OR51I2: variants seen among roughly 807,000 people sequenced by gnomAD.
OR51I2 encodes the protein olfactory receptor 51I2.
OR51I2 carries 6 observed loss-of-function variants against 9.3 expected under a neutral mutation model. The ratio of observed to expected loss-of-function variants is 0.64; its 90% CI spans 0.35 to 1.27. OR51I2 has a LOEUF of 1.27. Ranked by LOEUF, OR51I2 falls within the 50% of genes most tolerant of loss-of-function variation. The probability of loss-of-function intolerance (pLI) is 0.03; values close to 1 mark genes in which losing one functional copy is unlikely to be tolerated. For synonymous variants in OR51I2, 179 were observed against 143.1 expected, an observed-to-expected ratio of 1.25 and a Z score of -1.79; for missense variants, 489 against 396.4, an observed-to-expected ratio of 1.23 and a Z score of -1.98.
At position 5,455,437 on chromosome 11, in the gene OR51I2, G is replaced by A. The variant is rs186051433; in HGVS notation, c.*1010G>A. On this transcript the variant is annotated 3_prime_UTR_variant, in exon 2 of 2. Coordinates refer to ENST00000641930, the MANE Select transcript of OR51I2 (RefSeq NM_001004754.3). The stretch of plus-strand genomic sequence containing the variant: ...ATAATTCTTTCAGACCTTCTCATAC[G>A]CTTCCCTTGATACCAGAGGTAGGAT... 2.0e-5 allele frequency: 3 copies of A among 151,086 alleles called. No individual in the cohort carries two copies. Among genetic ancestry groups the A allele is most frequent in the East Asian group, 2.0e-4 (1 of 5,128 alleles). 9.4% of individuals were successfully genotyped at this position (151,086 alleles called of 1,614,324 possible).
Position 5,454,061 on chromosome 11 carries a change from T to C in OR51I2, c.573T>C (p.Asp191=). The C allele has an allele frequency of 6.2e-7, 1 of 1,614,188 alleles. No homozygotes were observed. Among genetic ancestry groups the C allele is most frequent in the Non-Finnish European group, 8.5e-7 (1 of 1,180,040 alleles). The change falls in exon 2 of 2, where the codon GAT becomes GAC. Residue 191 remains aspartate, a synonymous_variant. Coordinates refer to ENST00000641930, the MANE Select transcript of OR51I2 (RefSeq NM_001004754.3). ...ACATGATGAGGCTTGCCTGTGCTGA[T>C]ATCAGTATCAACAGCATCTATGGAC... is the stretch of plus-strand genomic sequence containing the variant. ...HPDMMRLACA[D]ISINSIYGLF... is the part of the protein sequence containing the mutation.
chr11:5,452,059 A>G (rs568768822), intron 1 of OR51I2, among the ~76,000 whole-genome samples: 4 of 152,354 alleles, frequency 2.6e-5, no homozygotes, highest in Admixed American at 6.5e-5. Context: ...TAGTAGATTA[A>G]TATCAGTGGG....
intron 1 of OR51I2, among the ~76,000 whole-genome samples, chr11:5,451,504 C>T (rs1369908798): frequency 6.6e-6 from 1 of 152,274 alleles, no homozygotes; most frequent in African/African-American, 2.4e-5. Flanking sequence ...CATATGCAGA[C>T]TGAGCTCTAA....
In OR51I2 at chr11:5,454,405, T is replaced by A. The variant is rs748066175; in HGVS notation, c.917T>A (p.Met306Lys). 3.7e-6 allele frequency: 6 copies of A among 1,606,188 alleles called. No individual in the cohort carries two copies. In the East Asian group the frequency reaches 1.1e-4, roughly 30 times the overall value. ...GAAATCCGCCGAGCCATTTTCCGCA[T>A]GTTTCACCACATCAAAATATGACTT... ...TKEIRRAIFR[M>K]FHHIKI The change falls in exon 2 of 2, where the codon ATG becomes AAG. Residue 306 changes from methionine (M) to lysine (K), a missense_variant. Physicochemically the swap from Met to Lys is moderately conservative, Grantham distance 95. Coordinates refer to ENST00000641930, the MANE Select transcript of OR51I2 (RefSeq NM_001004754.3).
In OR51I2 at chr11:5,455,030, T is replaced by A. The variant is rs1441305623; in HGVS notation, c.*603T>A. The A allele has an allele frequency of 6.6e-6, 1 of 152,264 alleles. No individual in the cohort carries two copies. The highest frequency in any genetic ancestry group is 1.5e-5 in the Non-Finnish European group (1 of 68,106). 9.4% of individuals were successfully genotyped at this position (152,264 alleles called of 1,614,324 possible). A position where few individuals can be genotyped will look rare whatever the true frequency, so the allele number is the denominator to read the frequency against. ...CAAACACTCATACATTGCTTTAACT[T>A]CACAAAGTGAAATCAGCTTAACTAT... On this transcript the variant is annotated 3_prime_UTR_variant, in exon 2 of 2. Coordinates refer to ENST00000641930, the MANE Select transcript of OR51I2 (RefSeq NM_001004754.3).
Position 5,455,561 on chromosome 11 carries a change from G to T in OR51I2, c.*1134G>T, listed in dbSNP as rs1196307741. On this transcript the variant is annotated 3_prime_UTR_variant, in exon 2 of 2. Transcript: ENST00000641930. ...AGCGAGGGATTGGGGGAGAAAGAAG[G>T]GGGGAGAGAGAGAGAGAAAGAGAAA... 3 of 33,724 alleles carry T rather than the reference G, an allele frequency of 8.9e-5. No individual in the cohort carries two copies. Among genetic ancestry groups the T allele is most frequent in the African/African-American group, 1.7e-4 (2 of 11,656 alleles). The allele number at this position is 33,724 out of a possible 1,614,324, so 2.1% of individuals were successfully genotyped here. A position where few individuals can be genotyped will look rare whatever the true frequency, so the allele number is the denominator to read the frequency against.
rs374169531 is a variant in OR51I2 at position 5,453,562 on chromosome 11, C to T, written c.74C>T (p.Ser25Phe). 1.2e-6 allele frequency: 2 copies of T among 1,610,786 alleles called. No individual in the cohort carries two copies. Among genetic ancestry groups the T allele is most frequent in the East Asian group, 4.5e-5 (2 of 44,876 alleles). ...TGIPGLESSH[S>F]WLSGPLCVMY... is the part of the protein sequence containing the mutation. ...ATCCCTGGTCTGGAGAGCTCTCACT[C>T]CTGGCTGTCAGGGCCCCTCTGCGTG... Residue 25 changes from serine (S) to phenylalanine (F), a missense_variant, in exon 2 of 2, where the codon TCC becomes TTC. Ser to Phe is a radical substitution (Grantham distance 155). Transcript: ENST00000641930.
intron 1 of OR51I2, among the ~76,000 whole-genome samples, chr11:5,452,648 A>G (rs1205949272): frequency 2.7e-5 from 4 of 150,594 alleles, no homozygotes; most frequent in Non-Finnish European, 4.4e-5. Context: ...ACTATGAATG[A>G]GCTTTCTTAC....
At position 5,455,366 on chromosome 11, in the gene OR51I2, G is replaced by A. The variant is rs1169861413; in HGVS notation, c.*939G>A. The A allele has an allele frequency of 8.9e-6, 1 of 111,732 alleles. No homozygotes were observed. Among genetic ancestry groups the A allele is most frequent in the Non-Finnish European group, 2.0e-5 (1 of 49,310 alleles). 6.9% of individuals were successfully genotyped at this position (111,732 alleles called of 1,614,324 possible). A position where few individuals can be genotyped will look rare whatever the true frequency, so the allele number is the denominator to read the frequency against. On this transcript the variant is annotated 3_prime_UTR_variant, in exon 2 of 2. Transcript: ENST00000641930. ...GGATTTCCAGTTGCAAAAAAAAAAA[G>A]CCTAGGATAGACAGACTAGAGCACT...
chr11:5,454,610 C>T lies in OR51I2; in HGVS notation c.*183C>T. On this transcript the variant is annotated 3_prime_UTR_variant, in exon 2 of 2. Coordinates refer to ENST00000641930, the MANE Select transcript of OR51I2 (RefSeq NM_001004754.3). Reference sequence around the variant, plus strand: ...AAATGAATAGTACATTCACTAAATACCAACAGTATTCTTAGAAAGATAAAT... The same window carrying T: ...AAATGAATAGTACATTCACTAAATATCAACAGTATTCTTAGAAAGATAAAT... The T allele has an allele frequency of 2.0e-6, 1 of 496,682 alleles. No homozygotes were observed. The highest frequency in any genetic ancestry group is 3.5e-6 in the Non-Finnish European group (1 of 283,192). 30.8% of individuals were successfully genotyped at this position (496,682 alleles called of 1,614,324 possible).
In OR51I2 at chr11:5,453,915, G is replaced by C; in HGVS notation, c.427G>C (p.Ala143Pro). 2 of 1,614,214 alleles carry C rather than the reference G, an allele frequency of 1.2e-6. No homozygotes were observed. Among genetic ancestry groups the C allele is most frequent in the African/African-American group, 1.3e-5 (1 of 75,060 alleles). ...ATVLTTEVIA[A>P]MGLGAAARSF... ...TGTGCTCACCACTGAAGTCATTGCT[G>C]CAATGGGTTTAGGTGCAGCTGCTCG... The change falls in exon 2 of 2, where the codon GCA (alanine) becomes CCA (proline). Residue 143 changes from alanine to proline, a missense_variant. Ala to Pro is a conservative substitution (Grantham distance 27). Transcript: ENST00000641930.
Position 5,452,342 on chromosome 11 carries a change from A to T in OR51I2, c.-230-917A>T, listed in dbSNP as rs894514573. On this transcript the variant is annotated intron_variant, in intron 1 of 1. Transcript: ENST00000641930. ...ACACGGTGAAACCCCGTCTCTACTA[A>T]AACTACAAAAAAAATTAGCCGGGCA... is the stretch of plus-strand genomic sequence containing the variant. Among the ~76,000 whole-genome samples, 14 of 151,908 alleles carry T rather than the reference A, an allele frequency of 9.2e-5. 1 individual carries two copies. Among genetic ancestry groups the T allele is most frequent in the Middle Eastern group, 3.4e-3 (1 of 294 alleles).
chr11:5,451,325 T>A (rs750124694), intron 1 of OR51I2, among the ~76,000 whole-genome samples: 6 of 152,234 alleles, frequency 3.9e-5, no homozygotes, highest in Non-Finnish European at 5.9e-5. Flanking sequence ...CCTGTTTTCT[T>A]CTCCCTTCTC....
rs1590005407 is a variant in OR51I2 at position 5,455,208 on chromosome 11, C to A, written c.*781C>A. On this transcript the variant is annotated 3_prime_UTR_variant, in exon 2 of 2. Transcript: ENST00000641930. ...AAACAATGTTCAATATCTGAAATAT[C>A]TGACTCATAGAATTTTGGGGGAAAG... 6.6e-6 allele frequency: 1 copy of A among 152,144 alleles called. No homozygotes were observed. The highest frequency in any genetic ancestry group is 2.1e-4 in the South Asian group (1 of 4,826). The allele number at this position is 152,144 out of a possible 1,614,324, so 9.4% of individuals were successfully genotyped here. A position where few individuals can be genotyped will look rare whatever the true frequency, so the allele number is the denominator to read the frequency against.
At position 5,455,931 on chromosome 11, in the gene OR51I2, A is replaced by G. The variant is rs892216775; in HGVS notation, c.*1504A>G. ...ATAGCATAACTTAGTATGATTTCCA[A>G]TGGAAAATTATTAGAATATTTAGTG... On this transcript the variant is annotated 3_prime_UTR_variant, in exon 2 of 2. Transcript: ENST00000641930. 4.6e-5 allele frequency: 7 copies of G among 152,340 alleles called. No homozygotes were observed. The highest frequency in any genetic ancestry group is 7.2e-5 in the African/African-American group (3 of 41,578). 9.4% of individuals were successfully genotyped at this position (152,340 alleles called of 1,614,324 possible). A position where few individuals can be genotyped will look rare whatever the true frequency, so the allele number is the denominator to read the frequency against.
chr11:5,453,697 A>G lies in OR51I2; in HGVS notation c.209A>G (p.Asp70Gly). ...YYFLSMLSFS[D>G]VAISMATLPT... ...TTCCTGTCCATGTTGTCCTTCAGTG[A>G]TGTGGCCATATCCATGGCCACACTG... Residue 70 changes from aspartate (D) to glycine (G), a missense_variant, in exon 2 of 2, where the codon GAT becomes GGT. Coordinates refer to ENST00000641930, the MANE Select transcript of OR51I2 (RefSeq NM_001004754.3). 2 of 1,613,750 alleles carry G rather than the reference A, an allele frequency of 1.2e-6. No individual in the cohort carries two copies. Among genetic ancestry groups the G allele is most frequent in the Non-Finnish European group, 1.7e-6 (2 of 1,179,808 alleles).
At chr11:5,450,344 G>A (rs1175130454) in intron 1 of OR51I2, among the ~76,000 whole-genome samples, 1 of 152,094 alleles carries the variant, frequency 6.6e-6, no homozygotes, top group Non-Finnish European at 1.5e-5. Context: ...AGCCAAGATT[G>A]CACCACTGCA....
At position 5,454,122 on chromosome 11, in the gene OR51I2, T is replaced by G; in HGVS notation, c.634T>G (p.Phe212Val). 1.2e-6 allele frequency: 2 copies of G among 1,614,138 alleles called. No individual in the cohort carries two copies. Among genetic ancestry groups the G allele is most frequent in the Non-Finnish European group, 8.5e-7 (1 of 1,180,028 alleles). Reference protein sequence around the residue: ...VLVSTFGMDLFFIFLSYVLIL... With the variant: ...VLVSTFGMDLVFIFLSYVLIL... Reference sequence around the variant, plus strand: ...TGTATCCACCTTTGGCATGGACCTGTTTTTTATCTTCCTCTCCTATGTGCT... The same window carrying G: ...TGTATCCACCTTTGGCATGGACCTGGTTTTTATCTTCCTCTCCTATGTGCT... The change falls in exon 2 of 2, where the codon TTT becomes GTT. Residue 212 changes from phenylalanine (F) to valine (V), a missense_variant. Physicochemically the swap from Phe to Val is conservative, Grantham distance 50. Transcript: ENST00000641930.
rs1470250603 is a variant in OR51I2 at position 5,455,613 on chromosome 11, AAG to A, written c.*1192_*1193del. ...AGAGAAAGAGAAAAAGAGAAAGAGA[AAG>A]AGAGAAAGAGAGAGAGAGAGATGCA... On this transcript the variant is annotated 3_prime_UTR_variant, in exon 2 of 2. Coordinates refer to ENST00000641930, the MANE Select transcript of OR51I2 (RefSeq NM_001004754.3). The A allele has an allele frequency of 2.0e-5, 3 of 150,246 alleles. No homozygotes were observed. The highest frequency in any genetic ancestry group is 4.4e-5 in the Non-Finnish European group (3 of 67,544). The allele number at this position is 150,246 out of a possible 1,614,324, so 9.3% of individuals were successfully genotyped here.
Sources: allele counts gnomAD v4.1 joint callset (sites outside exome capture counted in the v4.1 genomes callset), GRCh38; gene constraint gnomAD v4.1.1; transcripts MANE v1.5; gene names NCBI Gene and HGNC (gene_info 2026-07-23, HGNC 2026-07-21).